SPATA31H1: variants seen among roughly 807,000 people sequenced by gnomAD.
SPATA31H1 encodes the protein spermatogenesis-associated protein 31H1.
At chr2:27,553,815 G>A in the SPATA31H1 span, among the ~76,000 whole-genome samples, 4 of 151,856 alleles carry the variant, frequency 2.6e-5, no homozygotes, top group Non-Finnish European at 4.4e-5. Context: ...CCAGCTACTC[G>A]GGAGGCTGAG....
the SPATA31H1 span, among the ~76,000 whole-genome samples, chr2:27,561,168 GAAA>G: frequency 9.2e-5 from 14 of 151,968 alleles, no homozygotes; most frequent in Non-Finnish European, 1.9e-4. Flanking sequence ...CTGTCCCTAC[GAAA>G]AATACAAAAA....
the SPATA31H1 span, among the ~76,000 whole-genome samples, chr2:27,559,238 G>T: frequency 6.6e-6 from 1 of 152,252 alleles, no homozygotes; most frequent in South Asian, 2.1e-4. Flanking sequence ...TCCAATAAAG[G>T]ATTAAATTTA....
the SPATA31H1 span, chr2:27,581,454 A>G: frequency 2.5e-6 from 4 of 1,614,020 alleles, no homozygotes; most frequent in Middle Eastern, 1.6e-4. Flanking sequence ...TCTCTCTGAA[A>G]GGGGCCTTCA....
the SPATA31H1 span, chr2:27,578,381 T>C: frequency 1.2e-5 from 19 of 1,614,010 alleles, no homozygotes; most frequent in Admixed American, 1.7e-5. Flanking sequence ...TCGTAAAATC[T>C]GAGGAGTTAG....
chr2:27,558,837 C>A, the SPATA31H1 span, among the ~76,000 whole-genome samples: 1 of 109,944 alleles, frequency 9.1e-6, no homozygotes, highest in East Asian at 3.1e-4. Flanking sequence ...TTGCAGTGAG[C>A]CGAGATGGCA....
chr2:27,552,047 G>T, the SPATA31H1 span, among the ~76,000 whole-genome samples: 1 of 151,762 alleles, frequency 6.6e-6, no homozygotes, highest in Non-Finnish European at 1.5e-5. Flanking sequence ...ATCTCTTGAC[G>T]TCATGATCCA....
At chr2:27,582,080 GAGCC>G in the SPATA31H1 span, 13 of 1,613,372 alleles carry the variant, frequency 8.1e-6, no homozygotes, top group Non-Finnish European at 1.1e-5. Flanking sequence ...CCTTTGAGAG[GAGCC>G]ATCGTAGGAT....
At chr2:27,556,710 A>T in the SPATA31H1 span, among the ~76,000 whole-genome samples, 8 of 129,166 alleles carry the variant, frequency 6.2e-5, no homozygotes, top group South Asian at 2.6e-4. Flanking sequence ...TTTTTTAATT[A>T]ATTTATTTTT....
the SPATA31H1 span, among the ~76,000 whole-genome samples, chr2:27,543,875 C>T: frequency 6.6e-6 from 1 of 152,080 alleles, no homozygotes; most frequent in Middle Eastern, 3.4e-3. Context: ...GCCAGCTTCC[C>T]TCCTGTCTCA....
At chr2:27,581,006 TCAA>T in the SPATA31H1 span, 1 of 1,613,950 alleles carries the variant, frequency 6.2e-7, no homozygotes, top group East Asian at 2.2e-5. Flanking sequence ...TGAGAACTGT[TCAA>T]AAGGACAGTA....
the SPATA31H1 span, among the ~76,000 whole-genome samples, chr2:27,541,348 C>G: frequency 6.6e-6 from 1 of 151,310 alleles, no homozygotes; most frequent in Non-Finnish European, 1.5e-5. Context: ...GGCAGCAGTA[C>G]CGTCCAGCTT....
chr2:27,539,928 C>T, the SPATA31H1 span, among the ~76,000 whole-genome samples: 1 of 124,758 alleles, frequency 8.0e-6, no homozygotes. Context: ...CTGACCCCCC[C>T]ACCTCCCTCC....
At chr2:27,578,735 G>A in the SPATA31H1 span, 2 of 1,614,142 alleles carry the variant, frequency 1.2e-6, no homozygotes, top group Admixed American at 1.7e-5. Flanking sequence ...CATCAGAAGA[G>A]TTACAAGTAG....
the SPATA31H1 span, chr2:27,573,168 G>A: frequency 1.3e-5 from 5 of 398,252 alleles, no homozygotes; most frequent in Admixed American, 4.4e-5. Context: ...ACTTCAAGGT[G>A]CAAAACCTGT....
At chr2:27,582,617 T>C in the SPATA31H1 span, 1 of 1,316,774 alleles carries the variant, frequency 7.6e-7, no homozygotes, top group South Asian at 1.4e-5. Context: ...TGCCTCCAAT[T>C]CCTGCGCCCC....
At chr2:27,565,542 A>C in the SPATA31H1 span, 1 of 651,912 alleles carries the variant, frequency 1.5e-6, no homozygotes, top group South Asian at 1.8e-5. Context: ...CCATGTCTAA[A>C]GATATGTATG....
At chr2:27,543,760 G>A in the SPATA31H1 span, among the ~76,000 whole-genome samples, 1 of 151,818 alleles carries the variant, frequency 6.6e-6, no homozygotes, top group Non-Finnish European at 1.5e-5. Flanking sequence ...AGGTCCCTAA[G>A]CTGCTGCACC....
chr2:27,576,860 G>T, the SPATA31H1 span: 8 of 1,613,992 alleles, frequency 5.0e-6, no homozygotes, highest in Non-Finnish European at 5.9e-6. Context: ...TAGCACCAGG[G>T]TCACTGCCTC....
At chr2:27,561,660 A>C in the SPATA31H1 span, among the ~76,000 whole-genome samples, 1 of 151,908 alleles carries the variant, frequency 6.6e-6, no homozygotes, top group East Asian at 1.9e-4. Flanking sequence ...GGTATTAGGA[A>C]GTGATACAAT....
Sources: gnomAD v4.1 joint callset for allele counts (sites outside exome capture counted in the v4.1 genomes callset) on GRCh38, gnomAD v4.1.1 for gene constraint, MANE v1.5 for transcripts, NCBI Gene and HGNC (gene_info 2026-07-23, HGNC 2026-07-21) for gene names.